The following SLC6A11 variants were observed in gnomAD, a reference collection of about 807,000 sequenced individuals.
SLC6A11 encodes sodium- and chloride-dependent GABA transporter 3.
A neutral mutation model predicts 74.8 loss-of-function variants in SLC6A11; 25 were observed. That is an observed-to-expected ratio of 0.33 (90% CI 0.24 to 0.47). SLC6A11 has a LOEUF of 0.47. Ranked by LOEUF, SLC6A11 falls within the 20% of genes least tolerant of loss-of-function variation. The pLI is 1.00. For synonymous variants in SLC6A11, 330 were observed against 330.2 expected, an observed-to-expected ratio of 1.00 and a Z score of 0.01; for missense variants, 574 against 837.0, an observed-to-expected ratio of 0.69 and a Z score of 3.88.
rs774761515 is a variant in SLC6A11 at position 10,933,185 on chromosome 3, A to G, written c.1406A>G (p.Tyr469Cys). 3 of 1,613,966 alleles carry G rather than the reference A, an allele frequency of 1.9e-6. No homozygotes were observed. Among genetic ancestry groups the G allele is most frequent in the Non-Finnish European group, 1.7e-6 (2 of 1,179,948 alleles). ...GMYIFQLFDS[Y>C]AASGMCLLFV... ...TACATCTTCCAGCTCTTTGACTCCT[A>G]TGCCGCCAGTGGGATGTGCCTTCTC... Residue 469 changes from tyrosine to cysteine, a missense_variant, in exon 11 of 14, where the codon TAT (tyrosine) becomes TGT (cysteine). Coordinates refer to ENST00000254488, the MANE Select transcript of SLC6A11 (RefSeq NM_014229.3).
chr3:10,915,449 T>C lies in SLC6A11; in HGVS notation c.996-2880T>C, dbSNP rs974783560. 6.6e-6 allele frequency among the ~76,000 whole-genome samples: 1 copy of C among 152,194 alleles called. No individual in the cohort carries two copies. Among genetic ancestry groups the C allele is most frequent in the African/African-American group, 2.4e-5 (1 of 41,446 alleles). On this transcript the variant is annotated intron_variant, in intron 7 of 13. Coordinates refer to ENST00000254488, the MANE Select transcript of SLC6A11 (RefSeq NM_014229.3). The surrounding 1 kb of genome is among the most constrained non-coding windows in gnomAD (Gnocchi z 4.3). ...TGTTCTGCAAGTGGGTCTTCTCAAC[T>C]CCAGTGGAGTAAATTAGTACCCTCT...
intron 4 of SLC6A11, among the ~76,000 whole-genome samples, chr3:10,843,121 G>A (rs2106584951): frequency 6.6e-6 from 1 of 152,224 alleles, no homozygotes; most frequent in South Asian, 2.1e-4. Context: ...CCATAGTTCT[G>A]CACAATATGG....
Position 10,819,785 on chromosome 3 carries a change from T to G in SLC6A11, c.465T>G (p.Ile155Met). The G allele has an allele frequency of 6.2e-7, 1 of 1,614,224 alleles. No homozygotes were observed. The highest frequency in any genetic ancestry group is 8.5e-7 in the Non-Finnish European group (1 of 1,180,030). ...ACATCATCATCCTGGCATGGGCCAT[T>G]TTTTACCTGAGCAACTGCTTCACTA... is the stretch of plus-strand genomic sequence containing the variant. The part of the protein sequence containing the change: ...VYYIIILAWA[I>M]FYLSNCFTTE... The change falls in exon 3 of 14, where the codon ATT becomes ATG. Residue 155 changes from isoleucine to methionine, a missense_variant. By Grantham distance (10) the Ile-to-Met change is conservative. Around this residue, in one of 4 missense-constraint regions of SLC6A11, gnomAD observed 215 missense variants for 357.9 expected, o/e 0.60. Transcript: ENST00000254488.
At chr3:10,905,202 A>C (rs1192994936) in intron 6 of SLC6A11, among the ~76,000 whole-genome samples, 1 of 152,208 alleles carries the variant, frequency 6.6e-6, no homozygotes, top group Admixed American at 6.5e-5. Context: ...TGCTGTGTTC[A>C]TGTCATTTAT....
chr3:10,875,895 T>C (rs1244454730), intron 6 of SLC6A11, among the ~76,000 whole-genome samples: 1 of 152,212 alleles, frequency 6.6e-6, no homozygotes, highest in Admixed American at 6.5e-5. Context: ...CCAGACCAAT[T>C]AAAATGAACT....
Position 10,929,330 on chromosome 3 carries a change from G to C in SLC6A11, c.1362G>C (p.Met454Ile). ...TCTCCTATTTTCTGGGCCTCGTGAT[G>C]TTAACAGAGGTGAGTGGCATGGTTC... The part of the protein sequence containing the change: ...SVISYFLGLV[M>I]LTEGGMYIFQ... The change falls in exon 10 of 14, where the codon ATG becomes ATC. Residue 454 changes from methionine (M) to isoleucine (I), a missense_variant. Coordinates refer to ENST00000254488, the MANE Select transcript of SLC6A11 (RefSeq NM_014229.3). 1 of 1,614,050 alleles carries C rather than the reference G, an allele frequency of 6.2e-7. No individual in the cohort carries two copies. The highest frequency in any genetic ancestry group is 8.5e-7 in the Non-Finnish European group (1 of 1,179,956).
rs1438234026 is a variant in SLC6A11 at position 10,838,647 on chromosome 3, G to C, written c.624-5567G>C. Reference sequence around the variant, plus strand: ...ACCTGTAGTCCTAGCTACTCAGGAGGCTGAGGCAGGAGAATCACTTGAACC... The same window carrying C: ...ACCTGTAGTCCTAGCTACTCAGGAGCCTGAGGCAGGAGAATCACTTGAACC... On this transcript the variant is annotated intron_variant, in intron 4 of 13. Transcript: ENST00000254488. Among the ~76,000 whole-genome samples, 15 of 152,326 alleles carry C rather than the reference G, an allele frequency of 9.8e-5. No homozygotes were observed. In the East Asian group the frequency reaches 2.9e-3, roughly 29 times the overall value.
At position 10,875,077 on chromosome 3, in the gene SLC6A11, C is replaced by G. The variant is rs1694891796; in HGVS notation, c.873C>G (p.Ser291=). 1 of 1,609,932 alleles carries G rather than the reference C, an allele frequency of 6.2e-7. No individual in the cohort carries two copies. The highest frequency in any genetic ancestry group is 1.7e-5 in the Admixed American group (1 of 59,802). ...GIKFYLYPDL[S]RLSDPQVWVD... is the part of the protein sequence containing the mutation. The stretch of plus-strand genomic sequence containing the variant: ...AGTTCTACTTGTACCCTGACCTCTC[C>G]CGGCTCTCCGACCCCCAGGTAAGAG... Residue 291 remains serine (S), a synonymous_variant, in exon 6 of 14, where the codon TCC becomes TCG. Coordinates refer to ENST00000254488, the MANE Select transcript of SLC6A11 (RefSeq NM_014229.3).
At chr3:10,909,306 T>G (rs1472384461) in intron 6 of SLC6A11, among the ~76,000 whole-genome samples, 1 of 151,952 alleles carries the variant, frequency 6.6e-6, no homozygotes. Context: ...AAAGGAAAGA[T>G]GGATGCTAAG....
chr3:10,839,297 G>C (rs1056526569), intron 4 of SLC6A11, among the ~76,000 whole-genome samples: 1 of 152,102 alleles, frequency 6.6e-6, no homozygotes, highest in Non-Finnish European at 1.5e-5. Flanking sequence ...CTTCCTGAAG[G>C]AGCCACGTGA....
intron 6 of SLC6A11, among the ~76,000 whole-genome samples, chr3:10,897,174 G>A (rs781441417): frequency 6.6e-6 from 1 of 152,116 alleles, no homozygotes; most frequent in Non-Finnish European, 1.5e-5. Flanking sequence ...TAACACGTAG[G>A]AATTATGGGA....
At chr3:10,832,056 G>A (rs185937310) in intron 4 of SLC6A11, among the ~76,000 whole-genome samples, 85 of 152,290 alleles carry the variant, frequency 5.6e-4, no homozygotes, top group Middle Eastern at 3.4e-3. Context: ...CATTTGTCTT[G>A]ATATTAGTTC....
At chr3:10,877,670 A>G (rs1355267506) in intron 6 of SLC6A11, among the ~76,000 whole-genome samples, 1 of 152,208 alleles carries the variant, frequency 6.6e-6, no homozygotes, top group African/African-American at 2.4e-5. Context: ...TATGGGATTC[A>G]GTGTTCCAGG....
intron 6 of SLC6A11, among the ~76,000 whole-genome samples, chr3:10,882,507 G>T (rs1163133365): frequency 6.6e-6 from 1 of 152,146 alleles, no homozygotes; most frequent in East Asian, 1.9e-4. Context: ...TGCAGGTGGA[G>T]AATTTATCTG....
intron 13 of SLC6A11, 167 bp downstream of exon 13, chr3:10,935,366 G>A (rs1311188985): frequency 1.6e-6 from 1 of 621,440 alleles, no homozygotes; most frequent in Non-Finnish European, 2.8e-6. Context: ...TGTGCCCAAG[G>A]TGTCTCTGTG....
At chr3:10,872,825 A>C (rs1310683070) in intron 5 of SLC6A11, among the ~76,000 whole-genome samples, 1 of 152,224 alleles carries the variant, frequency 6.6e-6, no homozygotes, top group Non-Finnish European at 1.5e-5. Context: ...GTCTCAGGGC[A>C]TAGACTCTTT....
At chr3:10,923,201 T>C (rs983400772) in intron 8 of SLC6A11, among the ~76,000 whole-genome samples, 17 of 151,596 alleles carry the variant, frequency 1.1e-4, no homozygotes, top group African/African-American at 4.1e-4. Context: ...TCCACAGTTA[T>C]GAGCACACCT....
chr3:10,919,611 A>G (rs1224947378), intron 8 of SLC6A11, among the ~76,000 whole-genome samples: 1 of 152,228 alleles, frequency 6.6e-6, no homozygotes, highest in Admixed American at 6.5e-5. Context: ...GCTCTGCTCC[A>G]TGACTGTTCA....
chr3:10,884,592 A>T (rs568957094), intron 6 of SLC6A11, among the ~76,000 whole-genome samples: 1 of 152,302 alleles, frequency 6.6e-6, no homozygotes, highest in East Asian at 1.9e-4. Context: ...GGGATACGGT[A>T]CTGAAACTGT....
Sources: gnomAD v4.1 joint callset for allele counts (sites outside exome capture counted in the v4.1 genomes callset) on GRCh38, gnomAD v4.1.1 for gene constraint, gnomAD v4.1.1 regional missense constraint, Gnocchi (gnomAD v3.1) non-coding constraint, MANE v1.5 for transcripts, NCBI Gene and HGNC (gene_info 2026-07-23, HGNC 2026-07-21) for gene names.